The following NRBP1 variants were observed in gnomAD, a reference collection of about 807,000 sequenced individuals.
The protein encoded by NRBP1 is nuclear receptor binding protein 1, also known as nuclear receptor-binding protein.
NRBP1 carries 10 observed loss-of-function variants against 76.0 expected under a neutral mutation model. That is an observed-to-expected ratio of 0.13 (90% CI 0.08 to 0.22). The LOEUF is 0.22. NRBP1 is among the 10% of genes least tolerant of loss of function. The pLI, the probability that NRBP1 is intolerant of heterozygous loss-of-function variation, is 1.00. For missense variants in NRBP1, 344 were observed against 646.0 expected (o/e 0.53, Z 5.07); for synonymous variants, 235 against 240.2 (o/e 0.98, Z 0.20).
chr2:27,442,120 G>A lies in NRBP1; in HGVS notation c.*308G>A, dbSNP rs1461898967. 1.9e-6 allele frequency: 1 copy of A among 526,612 alleles called. No individual in the cohort carries two copies. Among genetic ancestry groups the A allele is most frequent in the Non-Finnish European group, 3.3e-6 (1 of 301,126 alleles). 32.6% of individuals were successfully genotyped at this position (526,612 alleles called of 1,614,324 possible). Reference sequence around the variant, plus strand: ...CAGCCTGTGTGGAAAGGAGGCCCACGGGCACTAGGGGAGCCGAATTCTACA... The same window carrying A: ...CAGCCTGTGTGGAAAGGAGGCCCACAGGCACTAGGGGAGCCGAATTCTACA... On this transcript the variant is annotated 3_prime_UTR_variant, in exon 18 of 18. Transcript: ENST00000379852.
chr2:27,434,641 T>C, intron 5 of NRBP1, 81 bp downstream of exon 5: 1 of 1,596,510 alleles, frequency 6.3e-7, no homozygotes, highest in South Asian at 1.1e-5. Flanking sequence ...ATGAAGCTGA[T>C]CAGGAAGGGA....
chr2:27,437,021 AC>A (rs1000286482), intron 8 of NRBP1, 25 bp from the exon 9 acceptor site: 8 of 1,609,624 alleles, frequency 5.0e-6, no homozygotes, highest in Non-Finnish European at 6.8e-6. Flanking sequence ...CCTCTGATTA[AC>A]CAAAGCCTTC....
chr2:27,439,733 A>T (rs1364547548), intron 10 of NRBP1, 33 bp from the exon 11 acceptor site: 1 of 1,612,954 alleles, frequency 6.2e-7, no homozygotes, highest in African/African-American at 1.3e-5. Flanking sequence ...GGCTTGCCAG[A>T]TGCCTGCTCC....
At chr2:27,433,529 G>T (rs377217236) in intron 2 of NRBP1, 46 bp downstream of exon 2, 10 of 1,607,640 alleles carry the variant, frequency 6.2e-6, no homozygotes, top group Non-Finnish European at 8.5e-6. Flanking sequence ...ATTCTGGAAA[G>T]GTGAGAACTG....
rs571128231 is a variant in NRBP1 at position 27,429,684 on chromosome 2, G to A, written c.-21+953G>A. Among the ~76,000 whole-genome samples the A allele has an allele frequency of 1.3e-4, 20 of 152,218 alleles. 1 individual carries two copies. In the East Asian group the frequency reaches 3.9e-3, roughly 29 times the overall value. ...TGGGCACTGCCCTCATTTTGCCTGC[G>A]AAGGAAAAATTAGGAAGGGATAAAA... On this transcript the variant is annotated intron_variant, in intron 1 of 17. Transcript: ENST00000379852.
At chr2:27,436,692 C>G in intron 7 of NRBP1, 61 bp from the exon 8 acceptor site, 2 of 1,487,320 alleles carry the variant, frequency 1.3e-6, no homozygotes, top group Non-Finnish European at 1.9e-6. Context: ...GGGCCTCTCT[C>G]TGGAGTGAGA....
At chr2:27,436,377 A>G (rs867411454) in intron 7 of NRBP1, 7 of 203,194 alleles carry the variant, frequency 3.4e-5, no homozygotes, top group African/African-American at 1.6e-4. Flanking sequence ...CTAAAACCAA[A>G]TATTTTCATG....
chr2:27,439,133 T>C (rs1664423400), intron 10 of NRBP1, among the ~76,000 whole-genome samples: 1 of 151,962 alleles, frequency 6.6e-6, no homozygotes, highest in Non-Finnish European at 1.5e-5. Flanking sequence ...TTTGGCAAGA[T>C]TTAGAAAAGA....
intron 7 of NRBP1, chr2:27,435,693 C>T (rs921730394): frequency 1.1e-5 from 8 of 717,576 alleles, no homozygotes; most frequent in Non-Finnish European, 2.1e-5. Flanking sequence ...TTTCCTCCCT[C>T]CCGCTTACGG....
intron 1 of NRBP1, among the ~76,000 whole-genome samples, chr2:27,432,609 G>A (rs1036233320): frequency 5.9e-5 from 9 of 151,548 alleles, no homozygotes; most frequent in African/African-American, 1.9e-4. Flanking sequence ...GTTGAGACAG[G>A]GTCTCCCTCT....
intron 6 of NRBP1, 41 bp from the exon 7 acceptor site, chr2:27,435,092 A>G (rs767715496): frequency 7.2e-7 from 1 of 1,387,320 alleles, no homozygotes; most frequent in Non-Finnish European, 1.0e-6. Context: ...CCCTGCCCTT[A>G]ATTTCCCAGT....
rs762774806 is a variant in NRBP1 at position 27,436,855 on chromosome 2, T to C, written c.745+19T>C. ...TATGGAGGTGAGCCTTCCTGCTTTC[T>C]CTGCCCTGTCCTCATCCCCCTGCTT... On this transcript the variant is annotated intron_variant, in intron 8 of 17. Coordinates refer to ENST00000379852, the MANE Select transcript of NRBP1 (RefSeq NM_013392.4). 5.0e-6 allele frequency: 8 copies of C among 1,608,500 alleles called. No individual in the cohort carries two copies. The highest frequency in any genetic ancestry group is 4.4e-5 in the South Asian group (4 of 90,960).
In NRBP1 at chr2:27,442,067, G is replaced by GCTAGT; in HGVS notation, c.*257_*261dup. On this transcript the variant is annotated 3_prime_UTR_variant, in exon 18 of 18. Transcript: ENST00000379852. ...CTCAGCAGCCGCCTTCTAGTTGGGG[G>GCTAGT]CTAGTCGCTGATCTGCCGGCTCCCG... 2 of 535,464 alleles carry GCTAGT rather than the reference G, an allele frequency of 3.7e-6. No homozygotes were observed. 33.2% of individuals were successfully genotyped at this position (535,464 alleles called of 1,614,324 possible).
intron 1 of NRBP1, chr2:27,429,191 C>T (rs956379343): frequency 2.0e-5 from 3 of 152,560 alleles, no homozygotes; most frequent in Non-Finnish European, 2.9e-5. Context: ...ATGAGGTGGC[C>T]GCCGCTGGCT....
rs1344639585 is a variant in NRBP1 at position 27,441,939 on chromosome 2, C to T, written c.*127C>T. ...TTCCCTCCTTTATTATTCAGGAGGG[C>T]TGGGGGGGCTCCCTGGTTCTGAGCA... On this transcript the variant is annotated 3_prime_UTR_variant, in exon 18 of 18. Transcript: ENST00000379852. The T allele has an allele frequency of 6.1e-6, 4 of 660,714 alleles. No individual in the cohort carries two copies. Among genetic ancestry groups the T allele is most frequent in the East Asian group, 5.1e-5 (2 of 39,526 alleles). 40.9% of individuals were successfully genotyped at this position (660,714 alleles called of 1,614,324 possible).
chr2:27,439,632 A>ATTTTTTTTTTTTTT (rs1664449154), intron 10 of NRBP1, 134 bp from the exon 11 acceptor site: 1 of 907,302 alleles, frequency 1.1e-6, no homozygotes, highest in African/African-American at 1.7e-5. Context: ...GCATTTTTCA[A>ATTTTTTTTTTTTTT]TATATTGTTT....
intron 1 of NRBP1, among the ~76,000 whole-genome samples, chr2:27,430,158 C>T (rs572813763): frequency 6.6e-6 from 1 of 152,092 alleles, no homozygotes; most frequent in African/African-American, 2.4e-5. Context: ...TGAGCCAGCG[C>T]GCCTGGCAAA....
At chr2:27,439,492 A>G (rs982088049) in intron 10 of NRBP1, among the ~76,000 whole-genome samples, 1 of 152,028 alleles carries the variant, frequency 6.6e-6, no homozygotes. Context: ...CTCAAAAAAA[A>G]AAAAAAAAAA....
At chr2:27,440,291 G>A (rs1302472444) in intron 11 of NRBP1, 112 bp from the exon 12 acceptor site, 4 of 767,148 alleles carry the variant, frequency 5.2e-6, no homozygotes, top group Non-Finnish European at 2.3e-6. Context: ...TTACAGGCAT[G>A]AGCCACTGTG....
Sources: allele counts gnomAD v4.1 joint callset (sites outside exome capture counted in the v4.1 genomes callset), GRCh38; gene constraint gnomAD v4.1.1; transcripts MANE v1.5; gene names NCBI Gene and HGNC (gene_info 2026-07-23, HGNC 2026-07-21).